Variants in CDK6 observed in about 807,000 individuals in gnomAD.
CDK6 encodes the protein cyclin-dependent kinase 6.
In CDK6, 6 loss-of-function variants were observed where a neutral mutation model predicts 37.1. That is an observed-to-expected ratio of 0.16 (90% CI 0.09 to 0.32). The LOEUF (loss-of-function observed/expected upper bound fraction) is 0.32. Ranked by LOEUF, CDK6 falls within the 10% of genes least tolerant of loss-of-function variation. The probability of loss-of-function intolerance (pLI) is 1.00; values close to 1 mark genes in which losing one functional copy is unlikely to be tolerated. For synonymous variants in CDK6, 160 were observed against 161.3 expected (o/e 0.99, Z 0.06); for missense variants, 224 against 418.9 (o/e 0.53, Z 4.06).
intron 3 of CDK6, among the ~76,000 whole-genome samples, chr7:92,769,132 T>TCTGTTAACAGTGTGCTATTAA (rs1799651237): frequency 6.6e-6 from 1 of 152,224 alleles, no homozygotes; most frequent in Non-Finnish European, 1.5e-5. Flanking sequence ...ACAGTGTGTG[T>TCTGTTAACAGTGTGCTATTAA]CAGTTTCTGA....
At chr7:92,625,143 A>C (rs545504779) in intron 5 of CDK6, among the ~76,000 whole-genome samples, 1 of 152,076 alleles carries the variant, frequency 6.6e-6, no homozygotes, top group African/African-American at 2.4e-5. Flanking sequence ...CATAGGATCA[A>C]CTAAGTGAGA....
At chr7:92,777,549 T>C (rs1799882421) in intron 2 of CDK6, among the ~76,000 whole-genome samples, 1 of 152,222 alleles carries the variant, frequency 6.6e-6, no homozygotes, top group Non-Finnish European at 1.5e-5. Flanking sequence ...CCCAGCCATG[T>C]GGCATTATTT....
chr7:92,792,088 G>A (rs1800299105), intron 2 of CDK6, among the ~76,000 whole-genome samples: 2 of 152,028 alleles, frequency 1.3e-5, no homozygotes, highest in South Asian at 4.1e-4. Flanking sequence ...TAAAATTGGA[G>A]GTGAGGAAAA....
intron 2 of CDK6, among the ~76,000 whole-genome samples, chr7:92,791,031 T>A (rs570165285): frequency 1.3e-5 from 2 of 152,122 alleles, no homozygotes; most frequent in Non-Finnish European, 2.9e-5. Flanking sequence ...AGACCACCTG[T>A]AAGGAGACTG....
intron 4 of CDK6, among the ~76,000 whole-genome samples, chr7:92,707,536 G>A (rs55648305): frequency 0.016 from 2,507 of 152,268 alleles, 65 homozygotes; most frequent in African/African-American, 0.057. Flanking sequence ...CAAGACTTCA[G>A]AAACAATGTT....
intron 2 of CDK6, among the ~76,000 whole-genome samples, chr7:92,787,386 T>C (rs1289396328): frequency 6.6e-6 from 1 of 152,114 alleles, no homozygotes; most frequent in Non-Finnish European, 1.5e-5. Flanking sequence ...ACCACTCACG[T>C]ACTTTTCTTC....
intron 4 of CDK6, among the ~76,000 whole-genome samples, chr7:92,689,268 C>A (rs887751456): frequency 1.2e-4 from 18 of 152,124 alleles, no homozygotes; most frequent in Non-Finnish European, 2.6e-4. Flanking sequence ...CTCCAATAGG[C>A]CCCAGTGTAT....
chr7:92,650,230 GT>G (rs2116556661), intron 5 of CDK6, among the ~76,000 whole-genome samples: 1 of 152,238 alleles, frequency 6.6e-6, no homozygotes, highest in East Asian at 1.9e-4. Flanking sequence ...ACACACTCAT[GT>G]TTCCCCCTAA....
At chr7:92,663,574 G>A (rs1489467715) in intron 5 of CDK6, among the ~76,000 whole-genome samples, 1 of 151,910 alleles carries the variant, frequency 6.6e-6, no homozygotes, top group Non-Finnish European at 1.5e-5. Context: ...GGCGGCATGT[G>A]CCTGTAGTCC....
intron 3 of CDK6, among the ~76,000 whole-genome samples, chr7:92,773,898 TA>T (rs2115779474): frequency 6.6e-6 from 1 of 152,298 alleles, no homozygotes; most frequent in Non-Finnish European, 1.5e-5. Flanking sequence ...CAACGAATGA[TA>T]AGGCAGGAGT....
rs116957713 is a variant in CDK6, at chr7:92,683,465, T to G, written c.538-11930A>C. ...TAAAATCCAAGTTCAGGCACACACATTCTTCAACATTTTAAAATTCCATGA... is the reference window on the plus strand; with the variant it reads ...TAAAATCCAAGTTCAGGCACACACAGTCTTCAACATTTTAAAATTCCATGA... On this transcript the variant is annotated intron_variant, in intron 4 of 7. Transcript: ENST00000424848. Among the ~76,000 whole-genome samples the G allele has an allele frequency of 7.1e-3, 1,074 of 152,312 alleles. 5 individuals carry two copies. Among genetic ancestry groups the G allele is most frequent in the Middle Eastern group, 0.014 (4 of 294 alleles).
At chr7:92,768,126 C>T (rs1799627297) in intron 3 of CDK6, among the ~76,000 whole-genome samples, 1 of 151,924 alleles carries the variant, frequency 6.6e-6, no homozygotes, top group Non-Finnish European at 1.5e-5. Context: ...TAAGCTGGGG[C>T]AGAGTTCTGG....
At position 92,610,576 on chromosome 7, in the gene CDK6, A is replaced by G. The variant is rs1029996192; in HGVS notation, c.*4564T>C. On this transcript the variant is annotated 3_prime_UTR_variant, in exon 8 of 8. Coordinates refer to ENST00000424848, the MANE Select transcript of CDK6 (RefSeq NM_001145306.2). ...AGATAGAAATGCTTGAGATATAGGG[A>G]TGTATTAAAATTGGGTTGTGAATTG... 4.4e-6 allele frequency: 1 copy of G among 228,112 alleles called. No homozygotes were observed. Among genetic ancestry groups the G allele is most frequent in the Non-Finnish European group, 8.7e-6 (1 of 114,950 alleles). 14.1% of individuals were successfully genotyped at this position (228,112 alleles called of 1,614,324 possible). A position where few individuals can be genotyped will look rare whatever the true frequency, so the allele number is the denominator to read the frequency against.
chr7:92,828,628 A>C (rs1285320200), intron 2 of CDK6, among the ~76,000 whole-genome samples: 1 of 152,206 alleles, frequency 6.6e-6, no homozygotes, highest in Non-Finnish European at 1.5e-5. Context: ...CTATTTGCAT[A>C]GATATTCATT....
intron 6 of CDK6, among the ~76,000 whole-genome samples, chr7:92,619,260 T>C (rs1408835309): frequency 4.6e-5 from 7 of 152,152 alleles, no homozygotes; most frequent in Admixed American, 4.6e-4. Context: ...ATGTATAACT[T>C]AAGATTCTTT....
chr7:92,730,780 C>T (rs10271437), intron 3 of CDK6, among the ~76,000 whole-genome samples: 3,543 of 152,198 alleles, frequency 0.023, 152 homozygotes, highest in African/African-American at 0.082. Flanking sequence ...ATCTGGTGAT[C>T]CATAGATGGG....
rs534049098 is a variant in CDK6, at chr7:92,607,363, C to T, written c.*7777G>A. On this transcript the variant is annotated 3_prime_UTR_variant, in exon 8 of 8. Transcript: ENST00000424848. ...AAGGCATATCTAAAATGCTTTTCTA[C>T]CTTTAGTTTTTATTTTTGCTATATT... The T allele has an allele frequency of 4.8e-4, 111 of 233,182 alleles. No homozygotes were observed. The highest frequency in any genetic ancestry group is 2.3e-3 in the African/African-American group (103 of 45,438). 14.4% of individuals were successfully genotyped at this position (233,182 alleles called of 1,614,324 possible).
intron 4 of CDK6, among the ~76,000 whole-genome samples, chr7:92,678,921 T>C (rs1281946985): frequency 1.3e-5 from 2 of 152,216 alleles, no homozygotes; most frequent in Admixed American, 6.5e-5. Context: ...ACTGACTGTG[T>C]TGCCACCACA....
intron 2 of CDK6, among the ~76,000 whole-genome samples, chr7:92,798,255 C>T (rs886218056): frequency 6.6e-6 from 1 of 152,118 alleles, no homozygotes; most frequent in African/African-American, 2.4e-5. Context: ...TTATCTTCTT[C>T]TAGGCAAATG....
Sources: gnomAD v4.1 joint callset for allele counts (sites outside exome capture counted in the v4.1 genomes callset) on GRCh38, gnomAD v4.1.1 for gene constraint, MANE v1.5 for transcripts, NCBI Gene and HGNC (gene_info 2026-07-23, HGNC 2026-07-21) for gene names.